Variants in LETM2 observed in about 807,000 individuals in gnomAD.
LETM2 encodes the protein leucine zipper and EF-hand containing transmembrane protein 2.
In LETM2, 58 loss-of-function variants were observed where a neutral mutation model predicts 59.6. That is an observed-to-expected ratio of 0.97 (90% CI 0.79 to 1.21). The LOEUF is 1.21. Ranked by LOEUF, LETM2 falls within the 50% of genes most tolerant of loss-of-function variation. The probability of loss-of-function intolerance (pLI) is 0.00; values close to 1 mark genes in which losing one functional copy is unlikely to be tolerated. For synonymous variants in LETM2, 199 were observed against 214.1 expected (o/e 0.93, Z 0.62); for missense variants, 572 against 575.7 (o/e 0.99, Z 0.07).
intron 2 of LETM2, among the ~76,000 whole-genome samples, chr8:38,389,108 A>C (rs1812005903): frequency 6.6e-6 from 1 of 152,110 alleles, no homozygotes; most frequent in Admixed American, 6.5e-5. Flanking sequence ...GTAATTGATG[A>C]ACATCACGTG....
chr8:38,405,061 G>C (rs1034097678), intron 8 of LETM2, among the ~76,000 whole-genome samples: 4 of 152,216 alleles, frequency 2.6e-5, no homozygotes, highest in African/African-American at 4.8e-5. Context: ...GCTTGATTGA[G>C]AATTTTACTA....
At chr8:38,404,172 G>A (rs1054232221) in intron 7 of LETM2, among the ~76,000 whole-genome samples, 1 of 151,774 alleles carries the variant, frequency 6.6e-6, no homozygotes, top group Admixed American at 6.6e-5. Context: ...CTCCCTCTCT[G>A]AGAGTGATTC....
chr8:38,397,105 C>T (rs1265677811), intron 4 of LETM2: 1 of 456,178 alleles, frequency 2.2e-6, no homozygotes, highest in Admixed American at 2.3e-5. Context: ...TTCTGTGCCA[C>T]TCTACTAGAC....
intron 8 of LETM2, 165 bp from the exon 9 acceptor site, chr8:38,406,781 C>A: frequency 1.9e-6 from 1 of 521,632 alleles, no homozygotes. Flanking sequence ...GTTGCTACAT[C>A]AGGGGCATAT....
In LETM2 at chr8:38,400,397, C is replaced by A; in HGVS notation, c.771C>A (p.Ser257=). ...GCGATGCCTCTACACAGCTCTCATC[C>A]TACGTGAAGCAGGTGTCCATCTTTT... ...KMGDASTQLS[S]YVKQVQTGHK... Residue 257 remains serine, a synonymous_variant, in exon 5 of 11, where the codon TCC becomes TCA. Coordinates refer to ENST00000379957, the MANE Select transcript of LETM2 (RefSeq NM_001286819.2). 1 of 1,580,938 alleles carries A rather than the reference C, an allele frequency of 6.3e-7. No individual in the cohort carries two copies. Among genetic ancestry groups the A allele is most frequent in the Non-Finnish European group, 8.6e-7 (1 of 1,166,110 alleles).
At chr8:38,398,867 G>A (rs1275682982) in intron 4 of LETM2, among the ~76,000 whole-genome samples, 1 of 151,848 alleles carries the variant, frequency 6.6e-6, no homozygotes, top group Non-Finnish European at 1.5e-5. Flanking sequence ...TTACAGGCAT[G>A]TGCCACCACG....
intron 2 of LETM2, among the ~76,000 whole-genome samples, chr8:38,391,193 A>C (rs564603078): frequency 3.1e-4 from 44 of 142,660 alleles, no homozygotes; most frequent in East Asian, 8.3e-4. Flanking sequence ...AAAAAAAAAA[A>C]AAAAACAAAA....
At chr8:38,406,040 A>G (rs769566661) in intron 8 of LETM2, among the ~76,000 whole-genome samples, 12 of 152,190 alleles carry the variant, frequency 7.9e-5, no homozygotes, top group Non-Finnish European at 1.8e-4. Flanking sequence ...TTTTGGATGT[A>G]TGTAGCCTTA....
intron 4 of LETM2, chr8:38,394,463 T>C (rs1328875789): frequency 1.0e-5 from 4 of 381,086 alleles, no homozygotes; most frequent in Admixed American, 4.2e-5. Flanking sequence ...ACTCTTCATG[T>C]TGAAGCATTT....
chr8:38,403,374 C>T (rs888298187), intron 7 of LETM2, among the ~76,000 whole-genome samples: 5 of 152,222 alleles, frequency 3.3e-5, no homozygotes, highest in South Asian at 2.1e-4. Flanking sequence ...ACCTACTTCA[C>T]GTAGTGTAAC....
intron 8 of LETM2, among the ~76,000 whole-genome samples, chr8:38,405,291 A>G (rs557023289): frequency 3.9e-5 from 6 of 152,142 alleles, no homozygotes; most frequent in South Asian, 2.1e-4. Flanking sequence ...AGGGAAGAGC[A>G]TAAGATTGGC....
At chr8:38,403,722 G>C (rs1259747195) in intron 7 of LETM2, among the ~76,000 whole-genome samples, 3 of 152,250 alleles carry the variant, frequency 2.0e-5, no homozygotes, top group Non-Finnish European at 2.9e-5. Flanking sequence ...TGTGGGACCA[G>C]CTCTGGTTGG....
rs117601977 is a variant in LETM2 at position 38,408,476 on chromosome 8, T to C, written c.*202T>C. The C allele has an allele frequency of 7.0e-4, 373 of 536,552 alleles. No homozygotes were observed. Among genetic ancestry groups the C allele is most frequent in the Non-Finnish European group, 1.1e-3 (334 of 297,048 alleles). 33.2% of individuals were successfully genotyped at this position (536,552 alleles called of 1,614,324 possible). A position where few individuals can be genotyped will look rare whatever the true frequency, so the allele number is the denominator to read the frequency against. On this transcript the variant is annotated 3_prime_UTR_variant, in exon 11 of 11. Coordinates refer to ENST00000379957, the MANE Select transcript of LETM2 (RefSeq NM_001286819.2). ...GTTCAGACCACTTAGAAAAATATAA[T>C]TGCAAAGTCCCATTTCCTCTGTACC...
intron 4 of LETM2, 60 bp from the exon 5 acceptor site, chr8:38,400,212 C>A (rs551096889): frequency 7.3e-7 from 1 of 1,371,876 alleles, no homozygotes; most frequent in South Asian, 1.3e-5. Flanking sequence ...TTTCTCCCAT[C>A]TTTATCTACC....
intron 4 of LETM2, among the ~76,000 whole-genome samples, chr8:38,399,016 C>T (rs192882361): frequency 6.3e-4 from 96 of 151,810 alleles, no homozygotes; most frequent in Non-Finnish European, 8.1e-4. Context: ...CCACCTCATC[C>T]GGCCACTAAG....
intron 4 of LETM2, among the ~76,000 whole-genome samples, chr8:38,399,777 CAAAA>C (rs10683906): frequency 9.4e-5 from 8 of 85,314 alleles, no homozygotes; most frequent in Admixed American, 5.2e-4. Context: ...AACTCCATCT[CAAAA>C]AAAAAAAAAA....
In LETM2 at chr8:38,392,585, C is replaced by G. The variant is rs780856797; in HGVS notation, c.91C>G (p.Pro31Ala). The change falls in exon 3 of 11, where the codon CCA becomes GCA. Residue 31 changes from proline (P) to alanine (A), a missense_variant. Pro to Ala is a conservative substitution (Grantham distance 27). Transcript: ENST00000379957. Reference sequence around the variant, plus strand: ...CCATCCTACCTGCTCTTCTTATTCCCCATCATGTGCATTTCTTCACTTGCC... The same window carrying G: ...CCATCCTACCTGCTCTTCTTATTCCGCATCATGTGCATTTCTTCACTTGCC... ...FVHPTCSSYS[P>A]SCAFLHLPDS... is the part of the protein sequence containing the mutation. 6.2e-7 allele frequency: 1 copy of G among 1,612,928 alleles called. No individual in the cohort carries two copies. Among genetic ancestry groups the G allele is most frequent in the Non-Finnish European group, 8.5e-7 (1 of 1,179,872 alleles).
intron 4 of LETM2, among the ~76,000 whole-genome samples, chr8:38,398,720 CTTTT>C (rs869232263): frequency 8.6e-6 from 1 of 115,800 alleles, no homozygotes; most frequent in Non-Finnish European, 1.8e-5. Flanking sequence ...TAAGTGGGTT[CTTTT>C]TTTTTTTTTT....
chr8:38,385,120 G>A (rs1015075987), upstream of LETM2, among the ~76,000 whole-genome samples: 2 of 152,228 alleles, frequency 1.3e-5, no homozygotes, highest in Non-Finnish European at 2.9e-5. Context: ...TATGTGCAAA[G>A]TTGAACATCA....
Sources: gnomAD v4.1 joint callset for allele counts (sites outside exome capture counted in the v4.1 genomes callset) on GRCh38, gnomAD v4.1.1 for gene constraint, MANE v1.5 for transcripts, NCBI Gene and HGNC (gene_info 2026-07-23, HGNC 2026-07-21) for gene names.